The following GAB1 variants were observed in gnomAD, a reference collection of about 807,000 sequenced individuals.
The protein encoded by GAB1 is GRB2 associated binding protein 1.
GAB1 carries 19 observed loss-of-function variants against 66.5 expected under a neutral mutation model. The observed-to-expected ratio is 0.29, with a 90% CI of 0.20 to 0.42. GAB1 has a LOEUF of 0.42. GAB1 is among the 10% of genes least tolerant of loss of function. The pLI is 1.00. For synonymous variants in GAB1, 294 were observed against 301.4 expected (o/e 0.98, Z 0.25); for missense variants, 732 against 858.5 (o/e 0.85, Z 1.84).
chr4:143,393,085 T>G (rs1374994083), intron 1 of GAB1, among the ~76,000 whole-genome samples: 1 of 152,172 alleles, frequency 6.6e-6, no homozygotes, highest in Non-Finnish European at 1.5e-5. Flanking sequence ...TCTTTCAGTT[T>G]TGCTTCTGTC....
intron 1 of GAB1, among the ~76,000 whole-genome samples, chr4:143,342,295 C>CT (rs1437435710): frequency 6.6e-6 from 1 of 152,074 alleles, no homozygotes; most frequent in Non-Finnish European, 1.5e-5. Flanking sequence ...TCTGCTGGCT[C>CT]TTTAAAATTA....
rs758624177 is a variant in GAB1 at position 143,437,993 on chromosome 4, A to T, written c.594-6A>T. 10 of 1,604,280 alleles carry T rather than the reference A, an allele frequency of 6.2e-6. No individual in the cohort carries two copies. The African/African-American group carries it at 1.3e-4, about 22-fold the overall frequency. On this transcript the variant is annotated splice_region_variant and splice_polypyrimidine_tract_variant and intron_variant, in intron 3 of 9. Coordinates refer to ENST00000262994, the MANE Select transcript of GAB1 (RefSeq NM_002039.4). ...GTTTATTCTGTCATTAACAATTTTT[A>T]TTTAGAACGCATGCTGATTCTGCAA...
rs1008850883 is a variant in GAB1 at position 143,364,169 on chromosome 4, C to T, written c.72+26909C>T. 9.9e-4 allele frequency among the ~76,000 whole-genome samples: 131 copies of T among 132,678 alleles called. 1 individual carries two copies. The highest frequency in any genetic ancestry group is 3.7e-3 in the African/African-American group (128 of 34,554). The allele number at this position is 132,678 out of a possible 152,430, so 87.0% of individuals were successfully genotyped here. On this transcript the variant is annotated intron_variant, in intron 1 of 9. Transcript: ENST00000262994. ...CACCATTGCACTCCAGCCTGGGCTA[C>T]AAGAGGGAAACTTCGTCTCCAAAAA...
At chr4:143,381,601 T>A (rs1331551850) in intron 1 of GAB1, among the ~76,000 whole-genome samples, 1 of 152,202 alleles carries the variant, frequency 6.6e-6, no homozygotes, top group Non-Finnish European at 1.5e-5. Context: ...TCAAGTACCT[T>A]AATTGATATA....
intron 9 of GAB1, among the ~76,000 whole-genome samples, 153 bp from the exon 10 acceptor site, chr4:143,468,878 G>A (rs1026760002): frequency 2.6e-5 from 4 of 151,956 alleles, no homozygotes; most frequent in Non-Finnish European, 4.4e-5. Flanking sequence ...AGCTGAGATC[G>A]CACCACTGCA....
intron 1 of GAB1, among the ~76,000 whole-genome samples, chr4:143,412,003 C>T (rs980207033): frequency 1.3e-5 from 2 of 152,232 alleles, no homozygotes; most frequent in South Asian, 2.1e-4. Flanking sequence ...AATTTCCTGC[C>T]GTAAGGGTTC....
intron 1 of GAB1, among the ~76,000 whole-genome samples, chr4:143,415,111 A>AT (rs755746717): frequency 4.9e-4 from 74 of 152,354 alleles, no homozygotes; most frequent in Non-Finnish European, 7.8e-4. Flanking sequence ...TTCACTTAGC[A>AT]TAATGTCCAG....
At chr4:143,448,110 T>C (rs1040792304) in intron 6 of GAB1, among the ~76,000 whole-genome samples, 1 of 151,982 alleles carries the variant, frequency 6.6e-6, no homozygotes, top group African/African-American at 2.4e-5. Flanking sequence ...TTGCATATAT[T>C]GAACCAGCCT....
chr4:143,444,734 C>T (rs550040004), intron 6 of GAB1, among the ~76,000 whole-genome samples: 1 of 152,070 alleles, frequency 6.6e-6, no homozygotes, highest in Non-Finnish European at 1.5e-5. Context: ...ACATAGCACC[C>T]AATCGTTAGT....
chr4:143,355,294 C>T (rs1341110020), intron 1 of GAB1, among the ~76,000 whole-genome samples: 1 of 152,126 alleles, frequency 6.6e-6, no homozygotes, highest in African/African-American at 2.4e-5. Flanking sequence ...TTTCTATATC[C>T]ACCTCCATCT....
At position 143,472,906 on chromosome 4, in the gene GAB1, A is replaced by G. The variant is rs1184435760; in HGVS notation, c.*3717A>G. 1.3e-5 allele frequency: 2 copies of G among 152,238 alleles called. No individual in the cohort carries two copies. Among genetic ancestry groups the G allele is most frequent in the African/African-American group, 4.8e-5 (2 of 41,460 alleles). 9.4% of individuals were successfully genotyped at this position (152,238 alleles called of 1,614,324 possible). On this transcript the variant is annotated 3_prime_UTR_variant, in exon 10 of 10. Transcript: ENST00000262994. ...TTTAAAAACTGAACTATGAGAAGCCATGGTATAAATGAATATTGTGGACAT... is the reference window on the plus strand; with the variant it reads ...TTTAAAAACTGAACTATGAGAAGCCGTGGTATAAATGAATATTGTGGACAT...
At chr4:143,379,955 C>G (rs549087283) in intron 1 of GAB1, among the ~76,000 whole-genome samples, 1 of 150,882 alleles carries the variant, frequency 6.6e-6, no homozygotes, top group Admixed American at 6.6e-5. Flanking sequence ...AGTTTCTGCT[C>G]TTTTGGGGCT....
At chr4:143,446,260 G>T (rs1299556548) in intron 6 of GAB1, among the ~76,000 whole-genome samples, 1 of 152,142 alleles carries the variant, frequency 6.6e-6, no homozygotes, top group Non-Finnish European at 1.5e-5. Flanking sequence ...ACATACGTGT[G>T]CATGTGTCTT....
At chr4:143,376,229 T>G (rs1730411344) in intron 1 of GAB1, among the ~76,000 whole-genome samples, 1 of 152,208 alleles carries the variant, frequency 6.6e-6, no homozygotes, top group Non-Finnish European at 1.5e-5. Context: ...TAATACTGTT[T>G]AGGGCTTGTA....
chr4:143,422,844 G>A (rs1043718712), intron 2 of GAB1, among the ~76,000 whole-genome samples: 1 of 152,164 alleles, frequency 6.6e-6, no homozygotes, highest in African/African-American at 2.4e-5. Flanking sequence ...AGCCTTTAAT[G>A]GATGTTAATT....
rs117434339 is a variant in GAB1, at chr4:143,410,077, G to A, written c.73-5400G>A. ...TTTTTTTTTTTAAGCAAAGCTCTCC[G>A]GATATTTCTAATGTGCATTCAGGGC... On this transcript the variant is annotated intron_variant, in intron 1 of 9. Coordinates refer to ENST00000262994, the MANE Select transcript of GAB1 (RefSeq NM_002039.4). Among the ~76,000 whole-genome samples, 64 of 151,176 alleles carry A rather than the reference G, an allele frequency of 4.2e-4. No homozygotes were observed. In the East Asian group the frequency reaches 9.6e-3, roughly 23 times the overall value.
In GAB1 at chr4:143,433,599, C is replaced by A. The variant is rs894204596; in HGVS notation, c.476C>A (p.Pro159His). Residue 159 changes from proline to histidine, a missense_variant, in exon 3 of 10, where the codon CCT becomes CAT. Coordinates refer to ENST00000262994, the MANE Select transcript of GAB1 (RefSeq NM_002039.4). ...GCAGATTCATCCTCTGCTACTCTAC[C>A]TCCTCCATATCAGCTAATCAATGTT... ...TQADSSSATL[P>H]PPYQLINVPP... 6 of 1,613,946 alleles carry A rather than the reference C, an allele frequency of 3.7e-6. No homozygotes were observed. The highest frequency in any genetic ancestry group is 5.1e-6 in the Non-Finnish European group (6 of 1,179,830).
intron 1 of GAB1, among the ~76,000 whole-genome samples, chr4:143,407,363 A>G (rs1347953576): frequency 6.6e-6 from 1 of 151,858 alleles, no homozygotes; most frequent in Non-Finnish European, 1.5e-5. Context: ...AATTATATGC[A>G]CTATTACTGA....
intron 6 of GAB1, among the ~76,000 whole-genome samples, chr4:143,447,364 G>C (rs1403545710): frequency 6.6e-6 from 1 of 152,150 alleles, no homozygotes; most frequent in Non-Finnish European, 1.5e-5. Context: ...GGATGGCATT[G>C]AATCTATAAA....
Sources: allele counts gnomAD v4.1 joint callset (sites outside exome capture counted in the v4.1 genomes callset), GRCh38; gene constraint gnomAD v4.1.1; transcripts MANE v1.5; gene names NCBI Gene and HGNC (gene_info 2026-07-23, HGNC 2026-07-21).